Variants in PTPRG observed in about 807,000 individuals in gnomAD.
PTPRG encodes protein tyrosine phosphatase receptor type G.
A neutral mutation model predicts 165.3 loss-of-function variants in PTPRG; 102 were observed. The ratio of observed to expected loss-of-function variants is 0.62; its 90% confidence interval spans 0.53 to 0.73. PTPRG has a LOEUF of 0.73. PTPRG is among the 30% of genes least tolerant of loss of function. The probability of loss-of-function intolerance (pLI) is 0.00; values close to 1 mark genes in which losing one functional copy is unlikely to be tolerated. For missense variants in PTPRG, 1,866 were observed against 1,861.4 expected (o/e 1.00, Z -0.05); for synonymous variants, 675 against 669.5 (o/e 1.01, Z -0.13).
chr3:62,028,199 A>G (rs1229475130), intron 4 of PTPRG, among the ~76,000 whole-genome samples: 1 of 152,196 alleles, frequency 6.6e-6, no homozygotes, highest in East Asian at 1.9e-4. Context: ...CCCTTTTAAT[A>G]TATTTTTGAA....
chr3:61,880,718 G>A (rs2037865175), intron 2 of PTPRG, among the ~76,000 whole-genome samples: 1 of 152,024 alleles, frequency 6.6e-6, no homozygotes, highest in African/African-American at 2.4e-5. Context: ...ATGAGAACGT[G>A]ATTGCATGAA....
chr3:61,882,964 C>A (rs1056622875), intron 2 of PTPRG, among the ~76,000 whole-genome samples: 3 of 152,132 alleles, frequency 2.0e-5, no homozygotes, highest in African/African-American at 7.2e-5. Context: ...AATGGTTACC[C>A]CAGTGCCACT....
chr3:62,128,455 T>C (rs1464024076), intron 5 of PTPRG, among the ~76,000 whole-genome samples: 1 of 152,102 alleles, frequency 6.6e-6, no homozygotes, highest in Non-Finnish European at 1.5e-5. Context: ...GAGATATTAC[T>C]TTCAGAGCCA....
intron 2 of PTPRG, among the ~76,000 whole-genome samples, chr3:61,933,283 T>C (rs1241155397): frequency 6.6e-6 from 1 of 152,226 alleles, no homozygotes; most frequent in Non-Finnish European, 1.5e-5. Flanking sequence ...TTTTGTCCCC[T>C]CTGCAGTAAG....
At chr3:62,083,651 G>T (rs1701653459) in intron 5 of PTPRG, among the ~76,000 whole-genome samples, 1 of 152,224 alleles carries the variant, frequency 6.6e-6, no homozygotes, top group Non-Finnish European at 1.5e-5. Context: ...GTAGAAGAAA[G>T]AGTACCCAAT....
chr3:62,051,597 T>C (rs1346174515), intron 4 of PTPRG, among the ~76,000 whole-genome samples: 3 of 152,212 alleles, frequency 2.0e-5, no homozygotes. Context: ...TCTAATCTTG[T>C]TCCTAGGAAT....
chr3:61,593,976 G>A lies in PTPRG; in HGVS notation c.85+31604G>A, dbSNP rs567041014. Among the ~76,000 whole-genome samples, 5 of 152,256 alleles carry A rather than the reference G, an allele frequency of 3.3e-5. No homozygotes were observed. In the South Asian group the frequency reaches 1.0e-3, roughly 32 times the overall value. Reference sequence around the variant, plus strand: ...AAGCAATGTAGGCAGCAGACGGACAGCTGTGTTTTAAAAAATAAAACGCAT... The same window carrying A: ...AAGCAATGTAGGCAGCAGACGGACAACTGTGTTTTAAAAAATAAAACGCAT... On this transcript the variant is annotated intron_variant, in intron 1 of 29. Coordinates refer to ENST00000474889, the MANE Select transcript of PTPRG (RefSeq NM_002841.4).
chr3:61,875,276 G>A (rs1157834480), intron 2 of PTPRG, among the ~76,000 whole-genome samples: 1 of 152,130 alleles, frequency 6.6e-6, no homozygotes, highest in East Asian at 1.9e-4. Context: ...ACTTGAGGAG[G>A]TATTTCCTGT....
intron 2 of PTPRG, among the ~76,000 whole-genome samples, chr3:61,864,963 C>T (rs780215218): frequency 3.9e-5 from 6 of 152,182 alleles, no homozygotes; most frequent in East Asian, 1.9e-4. Flanking sequence ...ATGCCACTGT[C>T]ATGGGGTCAC....
chr3:61,707,328 A>C (rs951007805), intron 1 of PTPRG, among the ~76,000 whole-genome samples: 1 of 152,228 alleles, frequency 6.6e-6, no homozygotes, highest in Non-Finnish European at 1.5e-5. Flanking sequence ...ATTTATTATA[A>C]CAAATTGGCT....
chr3:61,624,889 G>A (rs1163779101), intron 1 of PTPRG, among the ~76,000 whole-genome samples: 1 of 152,082 alleles, frequency 6.6e-6, no homozygotes, highest in Non-Finnish European at 1.5e-5. Context: ...CTCAGATAAC[G>A]GACATTTACT....
chr3:62,212,404 A>G (rs1700380177), intron 12 of PTPRG, among the ~76,000 whole-genome samples: 1 of 152,206 alleles, frequency 6.6e-6, no homozygotes. Context: ...TCTCTTCAAA[A>G]ATAAACAGAA....
chr3:61,830,415 C>T (rs1325659997), intron 2 of PTPRG, among the ~76,000 whole-genome samples: 1 of 139,708 alleles, frequency 7.2e-6, no homozygotes, highest in African/African-American at 2.5e-5. Flanking sequence ...ATCTCTCCAA[C>T]TGTCTGTCTA....
At chr3:61,878,639 G>A (rs557029630) in intron 2 of PTPRG, among the ~76,000 whole-genome samples, 4 of 152,016 alleles carry the variant, frequency 2.6e-5, no homozygotes, top group East Asian at 1.9e-4. Context: ...GACTACAGGC[G>A]TGTGCTACCA....
intron 2 of PTPRG, chr3:61,771,064 A>T (rs2034192694): frequency 6.6e-6 from 1 of 151,972 alleles, no homozygotes; most frequent in African/African-American, 2.4e-5. Context: ...CCTTCTATTC[A>T]TCTTTTGTAC....
At position 62,254,728 on chromosome 3, in the gene PTPRG, T is replaced by TA. The variant is rs1000277291; in HGVS notation, c.2468-387dup. Among the ~76,000 whole-genome samples, 44 of 150,868 alleles carry TA rather than the reference T, an allele frequency of 2.9e-4. No homozygotes were observed. The highest frequency in any genetic ancestry group is 2.1e-3 in the East Asian group (11 of 5,160). ...AAGCTGGACTCCATTGAACAGCAAT[T>TA]AAAAAAAAACAACAACAACAACAAC... On this transcript the variant is annotated intron_variant, in intron 15 of 29. Transcript: ENST00000474889. The surrounding 1 kb of genome is among the most constrained non-coding windows in gnomAD (Gnocchi z 4.6).
chr3:61,956,144 T>G lies in PTPRG; in HGVS notation c.191-33481T>G, dbSNP rs184560913. On this transcript the variant is annotated intron_variant, in intron 2 of 29. Transcript: ENST00000474889. ...TTTTCTGTCTTTTAGTTGTATGTCT[T>G]TATCTCCAACAGATATGTGATTATC... is the stretch of plus-strand genomic sequence containing the variant. 2.0e-5 allele frequency among the ~76,000 whole-genome samples: 3 copies of G among 152,094 alleles called. No homozygotes were observed. In the East Asian group the frequency reaches 5.8e-4, roughly 29 times the overall value.
chr3:62,264,172 A>G (rs2148861672), intron 17 of PTPRG: 1 of 152,218 alleles, frequency 6.6e-6, no homozygotes, highest in Non-Finnish European at 1.5e-5. Context: ...TTCTGAAGTT[A>G]ATGGGATGTG....
chr3:61,888,199 T>TTGTGTG (rs58409759), intron 2 of PTPRG, among the ~76,000 whole-genome samples: 34 of 150,146 alleles, frequency 2.3e-4, no homozygotes, highest in African/African-American at 6.1e-4. Flanking sequence ...TTTTAAATCT[T>TTGTGTG]TGTGTGTGTG....
Sources: gnomAD v4.1 joint callset for allele counts (sites outside exome capture counted in the v4.1 genomes callset) on GRCh38, gnomAD v4.1.1 for gene constraint, Gnocchi (gnomAD v3.1) non-coding constraint, MANE v1.5 for transcripts, NCBI Gene and HGNC (gene_info 2026-07-23, HGNC 2026-07-21) for gene names.